Variants in RNF214 observed in about 807,000 individuals in gnomAD.
The protein encoded by RNF214 is ring finger protein 214.
RNF214 carries 25 observed loss-of-function variants against 75.9 expected under a neutral mutation model. That is an observed-to-expected ratio of 0.33 (90% CI 0.24 to 0.46). The LOEUF (loss-of-function observed/expected upper bound fraction) is 0.46. Ranked by LOEUF, RNF214 falls within the 20% of genes least tolerant of loss-of-function variation. The pLI is 1.00. For synonymous variants in RNF214, 314 were observed against 308.8 expected (o/e 1.02, Z -0.18); for missense variants, 725 against 857.5 (o/e 0.85, Z 1.93).
At chr11:117,270,636 C>G (rs1329989480) in intron 6 of RNF214, among the ~76,000 whole-genome samples, 1 of 151,640 alleles carries the variant, frequency 6.6e-6, no homozygotes, top group East Asian at 1.9e-4. Context: ...TTAGTACAGA[C>G]AGGGTTTTGC....
At chr11:117,254,138 A>G (rs376414044) in intron 6 of RNF214, among the ~76,000 whole-genome samples, 4 of 152,224 alleles carry the variant, frequency 2.6e-5, no homozygotes, top group South Asian at 2.1e-4. Flanking sequence ...AGTCCCAACT[A>G]CTTGGGAGGC....
chr11:117,244,039 T>C (rs2033147892), intron 4 of RNF214, among the ~76,000 whole-genome samples: 1 of 152,224 alleles, frequency 6.6e-6, no homozygotes, highest in South Asian at 2.1e-4. Context: ...TAAAGTGCAG[T>C]GGCACGATCT....
chr11:117,250,430 T>C (rs2033340528), intron 6 of RNF214, among the ~76,000 whole-genome samples: 1 of 152,158 alleles, frequency 6.6e-6, no homozygotes, highest in Admixed American at 6.6e-5. Flanking sequence ...AAAAATATTT[T>C]ACATGTGATT....
At chr11:117,259,670 C>T (rs908352640) in intron 6 of RNF214, among the ~76,000 whole-genome samples, 11 of 152,116 alleles carry the variant, frequency 7.2e-5, no homozygotes, top group African/African-American at 2.7e-4. Flanking sequence ...TCCCTAATGA[C>T]TAATGATGGT....
intron 11 of RNF214, 37 bp downstream of exon 11, chr11:117,282,307 C>T (rs2034145026): frequency 6.3e-7 from 1 of 1,579,546 alleles, no homozygotes; most frequent in African/African-American, 1.4e-5. Flanking sequence ...ATGTCTCTAT[C>T]AGAGAAATGC....
intron 6 of RNF214, among the ~76,000 whole-genome samples, chr11:117,273,968 C>CTATA (rs2033960778): frequency 1.3e-5 from 2 of 152,012 alleles, no homozygotes; most frequent in African/African-American, 4.8e-5. Flanking sequence ...TTCATGTTGT[C>CTATA]TATAGAACAC....
intron 4 of RNF214, among the ~76,000 whole-genome samples, chr11:117,243,140 A>AT (rs1326818035): frequency 2.0e-3 from 259 of 126,534 alleles, no homozygotes; most frequent in East Asian, 4.4e-3. Context: ...TTATTAATTA[A>AT]TTAATTAATT....
rs1205338159 is a variant in RNF214 at position 117,238,672 on chromosome 11, A to T, written c.179A>T (p.Glu60Val). The T allele has an allele frequency of 6.2e-7, 1 of 1,614,198 alleles. No individual in the cohort carries two copies. Among genetic ancestry groups the T allele is most frequent in the South Asian group, 1.1e-5 (1 of 91,084 alleles). ...GTAAGTAGCCAAACAATAACCAAGGAGAATAACAGAAATGTCCATTTGGAG... is the reference window on the plus strand; with the variant it reads ...GTAAGTAGCCAAACAATAACCAAGGTGAATAACAGAAATGTCCATTTGGAG... The part of the protein sequence containing the change: ...LSVSSQTITK[E>V]NNRNVHLEHS... The change falls in exon 3 of 15, where the codon GAG (glutamate) becomes GTG (valine). Residue 60 changes from glutamate to valine, a missense_variant. Coordinates refer to ENST00000300650, the MANE Select transcript of RNF214 (RefSeq NM_207343.4).
chr11:117,251,562 G>A (rs2033393807), intron 6 of RNF214, among the ~76,000 whole-genome samples: 1 of 151,656 alleles, frequency 6.6e-6, no homozygotes, highest in Non-Finnish European at 1.5e-5. Context: ...CGGGGCGGCT[G>A]GCCGGGTCAT....
chr11:117,264,942 C>T (rs1383120986), intron 6 of RNF214, among the ~76,000 whole-genome samples: 2 of 151,842 alleles, frequency 1.3e-5, no homozygotes, highest in Non-Finnish European at 2.9e-5. Flanking sequence ...TGGCATGTGT[C>T]TGTACTCCCA....
chr11:117,239,856 A>G lies in RNF214; in HGVS notation c.674A>G (p.Asn225Ser). ...EVNTDQDIEK[N>S]LDKMMTERTL... ...AACACAGATCAAGATATTGAAAAGAATTTGGTAAGTATTTAAACTGTCCTT... is the reference window on the plus strand; with the variant it reads ...AACACAGATCAAGATATTGAAAAGAGTTTGGTAAGTATTTAAACTGTCCTT... The change falls in exon 4 of 15, where the codon AAT becomes AGT. Residue 225 changes from asparagine to serine, a missense_variant. By Grantham distance (46) the Asn-to-Ser change is conservative (BLOSUM62 1). Around this residue, in one of 2 missense-constraint regions of RNF214, gnomAD observed 362 missense variants for 344.5 expected, o/e 1.05. Coordinates refer to ENST00000300650, the MANE Select transcript of RNF214 (RefSeq NM_207343.4). 1 of 1,522,306 alleles carries G rather than the reference A, an allele frequency of 6.6e-7. No individual in the cohort carries two copies. The highest frequency in any genetic ancestry group is 9.1e-7 in the Non-Finnish European group (1 of 1,096,766). The allele number at this position is 1,522,306 out of a possible 1,614,324, so 94.3% of individuals were successfully genotyped here.
intron 6 of RNF214, among the ~76,000 whole-genome samples, chr11:117,279,494 G>T (rs608840): frequency 6.6e-6 from 1 of 151,916 alleles, no homozygotes; most frequent in Non-Finnish European, 1.5e-5. Flanking sequence ...GCGCCATCAC[G>T]CCCAGCTAAT....
In RNF214 at chr11:117,238,674, A is replaced by C. The variant is rs754320801; in HGVS notation, c.181A>C (p.Asn61His). The C allele has an allele frequency of 1.5e-5, 24 of 1,614,060 alleles. No individual in the cohort carries two copies. The South Asian group carries it at 1.6e-4, about 11-fold the overall frequency. The change falls in exon 3 of 15, where the codon AAT becomes CAT. Residue 61 changes from asparagine (N) to histidine (H), a missense_variant. Around this residue, in one of 2 missense-constraint regions of RNF214, gnomAD observed 362 missense variants for 344.5 expected, o/e 1.05. Coordinates refer to ENST00000300650, the MANE Select transcript of RNF214 (RefSeq NM_207343.4). ...AAGTAGCCAAACAATAACCAAGGAG[A>C]ATAACAGAAATGTCCATTTGGAGCA... ...SVSSQTITKENNRNVHLEHSE... is the reference protein window; with the variant it reads ...SVSSQTITKEHNRNVHLEHSE...
At chr11:117,232,895 G>T (rs908665699) in intron 1 of RNF214, 169 bp downstream of exon 1, 1 of 148,940 alleles carries the variant, frequency 6.7e-6, no homozygotes, top group Admixed American at 6.7e-5. Context: ...GAAGTGGGAC[G>T]GGGGGGTGGC....
At chr11:117,236,181 GAACTCCT>G (rs1565326790) in intron 2 of RNF214, among the ~76,000 whole-genome samples, 1 of 151,920 alleles carries the variant, frequency 6.6e-6, no homozygotes, top group Non-Finnish European at 1.5e-5. Context: ...GACTGGTCTT[GAACTCCT>G]GACCTCAAGT....
chr11:117,237,662 A>AAAAT (rs907518806), intron 2 of RNF214, among the ~76,000 whole-genome samples: 6 of 152,294 alleles, frequency 3.9e-5, no homozygotes, highest in Admixed American at 6.5e-5. Flanking sequence ...CCTGTCTCAA[A>AAAAT]AAATAAATAA....
At chr11:117,251,078 A>C (rs1242732935) in intron 6 of RNF214, among the ~76,000 whole-genome samples, 1 of 150,780 alleles carries the variant, frequency 6.6e-6, no homozygotes, top group African/African-American at 2.4e-5. Flanking sequence ...CCCCCTTTCT[A>C]TTCCACAAAA....
chr11:117,248,566 G>A (rs889520425), intron 6 of RNF214, among the ~76,000 whole-genome samples: 2 of 152,178 alleles, frequency 1.3e-5, no homozygotes, highest in African/African-American at 2.4e-5. Context: ...GATAATAATT[G>A]TGAAGCTCAA....
At chr11:117,259,680 T>G (rs539488125) in intron 6 of RNF214, among the ~76,000 whole-genome samples, 1 of 152,354 alleles carries the variant, frequency 6.6e-6, no homozygotes. Flanking sequence ...CTAATGATGG[T>G]ATCTCTTTTT....
Sources: allele counts gnomAD v4.1 joint callset (sites outside exome capture counted in the v4.1 genomes callset), GRCh38; gene constraint gnomAD v4.1.1; regional missense constraint gnomAD v4.1.1; transcripts MANE v1.5; gene names NCBI Gene and HGNC (gene_info 2026-07-23, HGNC 2026-07-21).